The following RUBCN variants were observed in gnomAD, a reference collection of about 807,000 sequenced individuals.
RUBCN encodes rubicon autophagy regulator, also known as run domain Beclin-1-interacting and cysteine-rich domain-containing protein.
In RUBCN, 74 loss-of-function variants were observed where a neutral mutation model predicts 113.2. The observed-to-expected ratio is 0.65, with a 90% confidence interval of 0.54 to 0.79. RUBCN has a LOEUF of 0.79. Ranked by LOEUF, RUBCN falls within the 30% of genes least tolerant of loss-of-function variation. The pLI is 0.00. For synonymous variants in RUBCN, 480 were observed against 490.0 expected (o/e 0.98, Z 0.27); for missense variants, 1,109 against 1,251.7 (o/e 0.89, Z 1.72).
In RUBCN at chr3:197,730,522, T is replaced by C. The variant is rs553527795; in HGVS notation, c.65+6133A>G. 5.9e-4 allele frequency among the ~76,000 whole-genome samples: 89 copies of C among 152,114 alleles called. 2 individuals carry two copies. In the South Asian group the frequency reaches 0.018, roughly 31 times the overall value. ...CCAGAGACAGAGACAAATTCTTAAT[T>C]TGAACACCCATATTTGGGCATTTCT... On this transcript the variant is annotated intron_variant, in intron 1 of 19. Transcript: ENST00000296343.
chr3:197,740,413 G>C (rs1010062886), upstream of RUBCN, among the ~76,000 whole-genome samples: 1 of 151,384 alleles, frequency 6.6e-6, no homozygotes, highest in Non-Finnish European at 1.5e-5. Context: ...AGGTTGCAGT[G>C]AGCTGAGGTC....
chr3:197,724,483 A>G (rs1003526277), intron 1 of RUBCN, among the ~76,000 whole-genome samples: 3 of 152,236 alleles, frequency 2.0e-5, no homozygotes, highest in African/African-American at 4.8e-5. Flanking sequence ...ATACTGGTCT[A>G]TCTTCAATCC....
Position 197,676,995 on chromosome 3 carries a change from C to T in RUBCN, c.2536G>A (p.Asp846Asn), listed in dbSNP as rs773021865. ...TCATTCAGTGAGTACAGGTGGAGGT[C>T]CTCTGTCAGGTGGCCTGGGACTGTG... ...FDTVPGHLTE[D>N]LHLYSLNDLT... The change falls in exon 18 of 20, where the codon GAC becomes AAC. Residue 846 changes from aspartate to asparagine, a missense_variant. Physicochemically the swap from Asp to Asn is conservative, Grantham distance 23 (BLOSUM62 1). Around this residue, in one of 3 missense-constraint regions of RUBCN, gnomAD observed 306 missense variants for 348.9 expected, o/e 0.88. Transcript: ENST00000296343. The T allele has an allele frequency of 6.2e-6, 10 of 1,614,068 alleles. No individual in the cohort carries two copies. Among genetic ancestry groups the T allele is most frequent in the Non-Finnish European group, 8.5e-6 (10 of 1,180,040 alleles).
In RUBCN at chr3:197,688,352, C is replaced by T. The variant is rs563465319; in HGVS notation, c.1787-4135G>A. 7.2e-5 allele frequency among the ~76,000 whole-genome samples: 11 copies of T among 152,188 alleles called. No homozygotes were observed. The South Asian group carries it at 2.3e-3, about 32-fold the overall frequency. On this transcript the variant is annotated intron_variant, in intron 11 of 19. Transcript: ENST00000296343. ...AACTCCTGACCTCAGGTGAGCTGCC[C>T]GCCTCGGCCTCCCAAAGTTCCGGGA...
intron 2 of RUBCN, among the ~76,000 whole-genome samples, chr3:197,716,541 T>G (rs1422515304): frequency 6.6e-6 from 1 of 152,198 alleles, no homozygotes; most frequent in Non-Finnish European, 1.5e-5. Context: ...ACCAGCATGG[T>G]TTTAAAACCA....
chr3:197,726,940 A>ATTTTTTTTTT (rs1169226625), intron 1 of RUBCN, among the ~76,000 whole-genome samples: 1 of 131,786 alleles, frequency 7.6e-6, no homozygotes, highest in Non-Finnish European at 1.6e-5. Context: ...TGCACATTCT[A>ATTTTTTTTTT]TTTTTTTTTT....
chr3:197,703,734 G>T, intron 4 of RUBCN, 80 bp from the exon 5 acceptor site: 1 of 859,894 alleles, frequency 1.2e-6, no homozygotes, highest in East Asian at 2.6e-5. Context: ...GAAAGGGAGA[G>T]GTAAGGATGA....
chr3:197,697,210 C>G (rs1001412140), intron 7 of RUBCN, among the ~76,000 whole-genome samples, 161 bp from the exon 8 acceptor site: 3 of 152,054 alleles, frequency 2.0e-5, no homozygotes, highest in Non-Finnish European at 4.4e-5. Context: ...TACAGAAACA[C>G]AGGGAGGGAA....
At chr3:197,722,045 C>A (rs1726228532) in intron 1 of RUBCN, among the ~76,000 whole-genome samples, 1 of 151,918 alleles carries the variant, frequency 6.6e-6, no homozygotes. Context: ...TCAAGACCAG[C>A]CTGGTCAACA....
intron 2 of RUBCN, among the ~76,000 whole-genome samples, chr3:197,711,758 C>T (rs1392201125): frequency 2.0e-5 from 3 of 152,054 alleles, no homozygotes; most frequent in South Asian, 4.1e-4. Context: ...CAAGACTTTT[C>T]ACTGTATAGT....
At chr3:197,729,345 C>G (rs1399783283) in intron 1 of RUBCN, among the ~76,000 whole-genome samples, 1 of 151,726 alleles carries the variant, frequency 6.6e-6, no homozygotes, top group Non-Finnish European at 1.5e-5. Context: ...TTCTGCCTCC[C>G]GGGCTCACGC....
At chr3:197,692,139 G>A (rs1722492534) in intron 11 of RUBCN, among the ~76,000 whole-genome samples, 1 of 151,950 alleles carries the variant, frequency 6.6e-6, no homozygotes, top group Admixed American at 6.6e-5. Context: ...GAGAGGGATC[G>A]AAGACTCAGC....
intron 2 of RUBCN, among the ~76,000 whole-genome samples, chr3:197,713,246 T>C (rs1725152570): frequency 6.6e-6 from 1 of 152,234 alleles, no homozygotes; most frequent in Non-Finnish European, 1.5e-5. Context: ...TTCTCATTGA[T>C]TTGACTTCCA....
At chr3:197,686,901 CCATT>C (rs1415520713) in intron 11 of RUBCN, among the ~76,000 whole-genome samples, 2 of 152,034 alleles carry the variant, frequency 1.3e-5, no homozygotes, top group Admixed American at 6.6e-5. Context: ...TAGAATAAGG[CCATT>C]ATTACTGACT....
At position 197,675,434 on chromosome 3, in the gene RUBCN, G is replaced by A. The variant is rs374772643; in HGVS notation, c.2728C>T (p.Arg910Trp). Residue 910 changes from arginine (R) to tryptophan (W), a missense_variant, in exon 19 of 20, where the codon CGG becomes TGG. By Grantham distance (101) the Arg-to-Trp change is moderately radical. Coordinates refer to ENST00000296343, the MANE Select transcript of RUBCN (RefSeq NM_014687.4). The surrounding 1 kb of genome is among the most constrained non-coding windows in gnomAD (Gnocchi z 4.4). ...IIFPFELHKC[R>W]TCEECKACYH... ...CACCTGCCCTCACCTTCACAGGTCC[G>A]GCACTTATGGAGCTCAAAGGGAAAG... 168 of 1,613,556 alleles carry A rather than the reference G, an allele frequency of 1.0e-4. No individual in the cohort carries two copies. Among genetic ancestry groups the A allele is most frequent in the Non-Finnish European group, 1.3e-4 (154 of 1,179,694 alleles).
chr3:197,689,027 C>CT (rs1309240033), intron 11 of RUBCN, among the ~76,000 whole-genome samples: 307 of 136,574 alleles, frequency 2.2e-3, no homozygotes, highest in East Asian at 3.2e-3. Context: ...TGGGTGAATT[C>CT]TTTTTTTTTT....
At chr3:197,717,384 C>T (rs1166262218) in intron 2 of RUBCN, among the ~76,000 whole-genome samples, 2 of 150,862 alleles carry the variant, frequency 1.3e-5, no homozygotes, top group African/African-American at 2.5e-5. Flanking sequence ...GCGGAGCTTG[C>T]AGTGAGCCAA....
rs753810434 is a variant in RUBCN at position 197,676,814 on chromosome 3, C to T, written c.2646+71G>A. The T allele has an allele frequency of 4.3e-6, 7 of 1,610,666 alleles. No homozygotes were observed. The South Asian group carries it at 7.7e-5, about 18-fold the overall frequency. ...TTCCTCAAGCTAAGTGGCAAGAACC[C>T]CAGGTCCACCCCCCTCCCTGTATCC... On this transcript the variant is annotated intron_variant, in intron 18 of 19. Transcript: ENST00000296343.
Position 197,704,573 on chromosome 3 carries a change from C to A in RUBCN, c.432G>T (p.Gly144=). Residue 144 remains glycine (G), a synonymous_variant, in exon 4 of 20, where the codon GGG becomes GGT. Coordinates refer to ENST00000296343, the MANE Select transcript of RUBCN (RefSeq NM_014687.4). ...AGAATTTTCTGATATACTGTCTATC[C>A]CCGAGCAGGGGCCGGAGCTGGGCTG... ...CLSAQLRPLL[G]DRQYIRKFYT... 1 of 1,614,144 alleles carries A rather than the reference C, an allele frequency of 6.2e-7. No homozygotes were observed. The highest frequency in any genetic ancestry group is 8.5e-7 in the Non-Finnish European group (1 of 1,180,024).
Sources: allele counts gnomAD v4.1 joint callset (sites outside exome capture counted in the v4.1 genomes callset), GRCh38; gene constraint gnomAD v4.1.1; regional missense constraint gnomAD v4.1.1; non-coding constraint Gnocchi (gnomAD v3.1); transcripts MANE v1.5; gene names NCBI Gene and HGNC (gene_info 2026-07-23, HGNC 2026-07-21).